Variants in LGSN observed in about 807,000 individuals in gnomAD.
LGSN encodes the protein lengsin.
In LGSN, 21 loss-of-function variants were observed where a neutral mutation model predicts 19.5. That is an observed-to-expected ratio of 1.07 (90% CI 0.76 to 1.55). The LOEUF (loss-of-function observed/expected upper bound fraction) is 1.55. Among genes scored for constraint, LGSN ranks in the 40% most tolerant of loss-of-function variants. The pLI, the probability that LGSN is intolerant of heterozygous loss-of-function variation, is 0.00. For missense variants in LGSN, 673 were observed against 608.5 expected, an observed-to-expected ratio of 1.11 and a Z score of -1.12; for synonymous variants, 257 against 215.6, an observed-to-expected ratio of 1.19 and a Z score of -1.68.
At chr6:63,533,580 G>C in the LGSN span, among the ~76,000 whole-genome samples, 1 of 152,082 alleles carries the variant, frequency 6.6e-6, no homozygotes, top group Non-Finnish European at 1.5e-5. Flanking sequence ...TGAATACAAA[G>C]CTATTTAACT....
chr6:63,421,766 T>C, the LGSN span, among the ~76,000 whole-genome samples: 1 of 151,680 alleles, frequency 6.6e-6, no homozygotes, highest in African/African-American at 2.4e-5. Context: ...TTATTCAATA[T>C]GAACAATAGA....
chr6:63,364,634 T>C, the LGSN span, among the ~76,000 whole-genome samples: 1 of 152,204 alleles, frequency 6.6e-6, no homozygotes, highest in Non-Finnish European at 1.5e-5. Context: ...AGAATATACA[T>C]TCTTCTCAGA....
At chr6:63,523,023 C>A in the LGSN span, among the ~76,000 whole-genome samples, 2 of 151,980 alleles carry the variant, frequency 1.3e-5, no homozygotes, top group African/African-American at 4.8e-5. Flanking sequence ...TGCCACCACG[C>A]TGATCTAATT....
intron 2 of LGSN, among the ~76,000 whole-genome samples, chr6:63,291,994 T>C (rs1767789565): frequency 6.6e-6 from 1 of 152,132 alleles, no homozygotes; most frequent in Admixed American, 6.5e-5. Context: ...GCTCTAAATA[T>C]GAGAAGGATT....
the LGSN span, among the ~76,000 whole-genome samples, chr6:63,477,816 C>G: frequency 6.9e-6 from 1 of 144,118 alleles, no homozygotes; most frequent in Admixed American, 7.3e-5. Flanking sequence ...TTACAGATTA[C>G]AGGTATGAGT....
chr6:63,332,917 G>A, the LGSN span, among the ~76,000 whole-genome samples: 11 of 152,112 alleles, frequency 7.2e-5, 1 homozygote, highest in South Asian at 2.3e-3. Context: ...GACCCTCGCG[G>A]TGAGTGTTAC....
the LGSN span, among the ~76,000 whole-genome samples, chr6:63,496,392 C>T: frequency 6.6e-6 from 1 of 152,120 alleles, no homozygotes; most frequent in Non-Finnish European, 1.5e-5. Flanking sequence ...ATAATAAGTG[C>T]TTTATAAATA....
intron 3 of LGSN, among the ~76,000 whole-genome samples, chr6:63,283,526 A>G (rs1582019245): frequency 6.6e-6 from 1 of 152,006 alleles, no homozygotes; most frequent in Non-Finnish European, 1.5e-5. Context: ...CTTTTGATTG[A>G]TAGAACAGAG....
the LGSN span, among the ~76,000 whole-genome samples, chr6:63,429,586 A>G: frequency 6.6e-6 from 1 of 152,020 alleles, no homozygotes; most frequent in African/African-American, 2.4e-5. Flanking sequence ...AATCACAAAA[A>G]TTAGCCGAGT....
chr6:63,470,737 T>G, the LGSN span, among the ~76,000 whole-genome samples: 1 of 152,024 alleles, frequency 6.6e-6, no homozygotes, highest in South Asian at 2.1e-4. Flanking sequence ...AAAGTCTATG[T>G]CTTCTTTGAG....
the LGSN span, among the ~76,000 whole-genome samples, chr6:63,504,301 G>A: frequency 6.6e-6 from 1 of 151,592 alleles, no homozygotes; most frequent in East Asian, 1.9e-4. Flanking sequence ...GAGTGCAGTG[G>A]TGCAATCTCG....
At chr6:63,507,810 G>C in the LGSN span, among the ~76,000 whole-genome samples, 8 of 152,140 alleles carry the variant, frequency 5.3e-5, no homozygotes, top group Non-Finnish European at 7.4e-5. Flanking sequence ...TGTTCAGACA[G>C]GTTGATGGTA....
At chr6:63,345,846 T>C in the LGSN span, among the ~76,000 whole-genome samples, 85 of 152,316 alleles carry the variant, frequency 5.6e-4, no homozygotes, top group African/African-American at 2.0e-3. Context: ...CACTCTTTGG[T>C]CCAATATCTT....
chr6:63,487,841 C>T, the LGSN span, among the ~76,000 whole-genome samples: 21 of 152,116 alleles, frequency 1.4e-4, no homozygotes, highest in African/African-American at 4.8e-4. Context: ...ATTAGCCCAG[C>T]GTGGTAGTGG....
In LGSN at chr6:63,279,246, C is replaced by A. The variant is rs1767194265; in HGVS notation, c.*775G>T. 6.6e-6 allele frequency: 1 copy of A among 152,210 alleles called. No individual in the cohort carries two copies. Among genetic ancestry groups the A allele is most frequent in the Non-Finnish European group, 1.5e-5 (1 of 68,048 alleles). 9.4% of individuals were successfully genotyped at this position (152,210 alleles called of 1,614,324 possible). On this transcript the variant is annotated 3_prime_UTR_variant, in exon 4 of 4. Coordinates refer to ENST00000370657, the MANE Select transcript of LGSN (RefSeq NM_016571.3). The stretch of plus-strand genomic sequence containing the variant: ...GCAGAGTAGACAGAGCCCACCTACC[C>A]TCACACACAAACATCTTTCTATCTA...
chr6:63,435,232 T>C, the LGSN span, among the ~76,000 whole-genome samples: 1 of 152,174 alleles, frequency 6.6e-6, no homozygotes, highest in Non-Finnish European at 1.5e-5. Flanking sequence ...ATGAGATTTA[T>C]AGAGAAACTT....
At chr6:63,369,527 A>G in the LGSN span, among the ~76,000 whole-genome samples, 3 of 152,330 alleles carry the variant, frequency 2.0e-5, no homozygotes, top group East Asian at 5.8e-4. Flanking sequence ...TCTTCACCCT[A>G]GAGGTTCTGC....
the LGSN span, among the ~76,000 whole-genome samples, chr6:63,467,938 C>T: frequency 5.3e-5 from 8 of 152,014 alleles, no homozygotes; most frequent in South Asian, 1.5e-3. Flanking sequence ...ATGATCCACC[C>T]GCCTCAGCCT....
chr6:63,280,391 T>C lies in LGSN; in HGVS notation c.1160A>G (p.Asn387Ser). The change falls in exon 4 of 4, where the codon AAT becomes AGT. Residue 387 changes from asparagine (N) to serine (S), a missense_variant. By Grantham distance (46) the Asn-to-Ser change is conservative. Coordinates refer to ENST00000370657, the MANE Select transcript of LGSN (RefSeq NM_016571.3). ...GATATTAAATATACAGCTGTTGTCATTGTATCCCCATGTTGTAGGCACACT... is the reference window on the plus strand; with the variant it reads ...GATATTAAATATACAGCTGTTGTCACTGTATCCCCATGTTGTAGGCACACT... ...KKSVPTTWGYNDNSCIFNIKC... is the reference protein window; with the variant it reads ...KKSVPTTWGYSDNSCIFNIKC... 6.2e-7 allele frequency: 1 copy of C among 1,614,168 alleles called. No individual in the cohort carries two copies. The highest frequency in any genetic ancestry group is 8.5e-7 in the Non-Finnish European group (1 of 1,180,030).
Sources: allele counts gnomAD v4.1 joint callset (sites outside exome capture counted in the v4.1 genomes callset), GRCh38; gene constraint gnomAD v4.1.1; transcripts MANE v1.5; gene names NCBI Gene and HGNC (gene_info 2026-07-23, HGNC 2026-07-21).